Variants in COL26A1 observed in about 807,000 individuals in gnomAD.
COL26A1 encodes the protein collagen alpha-1(XXVI) chain.
Under a neutral mutation model 59.3 loss-of-function variants are expected in COL26A1, and 41 were observed. The ratio of observed to expected loss-of-function variants is 0.69; its 90% CI spans 0.54 to 0.90. The LOEUF is 0.90. Ranked by LOEUF, COL26A1 falls within the 40% of genes least tolerant of loss-of-function variation. The pLI is 0.00. For missense variants in COL26A1, 612 were observed against 602.3 expected (o/e 1.02, Z -0.17); for synonymous variants, 266 against 256.0 (o/e 1.04, Z -0.37).
chr7:101,426,993 C>T (rs1309869085), intron 2 of COL26A1, among the ~76,000 whole-genome samples: 5 of 152,156 alleles, frequency 3.3e-5, no homozygotes, highest in African/African-American at 9.7e-5. Flanking sequence ...CTACATTTCA[C>T]CCCCAGCATT....
At chr7:101,368,253 T>G (rs1486557029) in intron 1 of COL26A1, among the ~76,000 whole-genome samples, 1 of 152,212 alleles carries the variant, frequency 6.6e-6, no homozygotes, top group Non-Finnish European at 1.5e-5. Flanking sequence ...GTCTCTCTTT[T>G]TCTCTCGTGA....
At chr7:101,444,554 G>A (rs914181168) in intron 2 of COL26A1, among the ~76,000 whole-genome samples, 1 of 151,654 alleles carries the variant, frequency 6.6e-6, no homozygotes, top group African/African-American at 2.4e-5. Flanking sequence ...AGCTGGGATT[G>A]CAGGCATGCG....
At chr7:101,506,642 C>G (rs1178259870) in intron 3 of COL26A1, among the ~76,000 whole-genome samples, 1 of 152,226 alleles carries the variant, frequency 6.6e-6, no homozygotes, top group Non-Finnish European at 1.5e-5. Context: ...CTCCGTGTTC[C>G]TAACTGCAGA....
intron 2 of COL26A1, among the ~76,000 whole-genome samples, chr7:101,442,249 G>T (rs1435813424): frequency 6.6e-6 from 1 of 151,922 alleles, no homozygotes; most frequent in Non-Finnish European, 1.5e-5. Context: ...GCTCTCCTCT[G>T]TCCAAGCTGG....
chr7:101,551,144 G>T lies in COL26A1; in HGVS notation c.1029+1G>T, dbSNP rs771111828. Reference sequence around the variant, plus strand: ...AGAGCGAGGCACAGTGGGGCCGTCCGTAAGTGTGGGCTGTGCAGATGGGCC... The same window carrying T: ...AGAGCGAGGCACAGTGGGGCCGTCCTTAAGTGTGGGCTGTGCAGATGGGCC... On this transcript the variant is annotated splice_donor_variant, in intron 10 of 12. Coordinates refer to ENST00000313669, the MANE Select transcript of COL26A1 (RefSeq NM_001278563.3). LOFTEE classifies it high-confidence loss of function. 32 of 1,481,332 alleles carry T rather than the reference G, an allele frequency of 2.2e-5. No individual in the cohort carries two copies. The South Asian group carries it at 3.6e-4, about 17-fold the overall frequency. The allele number at this position is 1,481,332 out of a possible 1,614,324, so 91.8% of individuals were successfully genotyped here. A position where few individuals can be genotyped will look rare whatever the true frequency, so the allele number is the denominator to read the frequency against.
chr7:101,380,663 C>T (rs1165036576), intron 1 of COL26A1, among the ~76,000 whole-genome samples: 1 of 152,092 alleles, frequency 6.6e-6, no homozygotes, highest in Non-Finnish European at 1.5e-5. Flanking sequence ...GATCAGGACC[C>T]CTTTCTGGCC....
intron 1 of COL26A1, among the ~76,000 whole-genome samples, chr7:101,419,765 G>A (rs532253509): frequency 2.0e-5 from 3 of 152,286 alleles, no homozygotes; most frequent in South Asian, 4.1e-4. Flanking sequence ...GGTCAGTGAC[G>A]GGAATGATGC....
chr7:101,496,260 C>T (rs1794582823), intron 3 of COL26A1, among the ~76,000 whole-genome samples: 1 of 152,174 alleles, frequency 6.6e-6, no homozygotes, highest in South Asian at 2.1e-4. Flanking sequence ...CGGCTGTGGC[C>T]AGGGCCATGG....
At chr7:101,396,653 G>A (rs766750143) in intron 1 of COL26A1, among the ~76,000 whole-genome samples, 6 of 152,086 alleles carry the variant, frequency 3.9e-5, no homozygotes, top group Non-Finnish European at 7.4e-5. Flanking sequence ...GTACAGATGA[G>A]ATTTCACCAT....
intron 5 of COL26A1, among the ~76,000 whole-genome samples, chr7:101,543,353 A>T (rs771394926): frequency 6.6e-6 from 1 of 151,898 alleles, no homozygotes; most frequent in Non-Finnish European, 1.5e-5. Flanking sequence ...TATCTTTTGT[A>T]GAGATGGGGT....
intron 1 of COL26A1, among the ~76,000 whole-genome samples, chr7:101,368,631 A>G (rs1462624376): frequency 6.6e-6 from 1 of 151,592 alleles, no homozygotes; most frequent in Non-Finnish European, 1.5e-5. Context: ...GGTTGTTGCC[A>G]TGGAAAGGCA....
chr7:101,494,759 T>C (rs1232545934), intron 3 of COL26A1, among the ~76,000 whole-genome samples: 4 of 152,336 alleles, frequency 2.6e-5, no homozygotes, highest in Admixed American at 2.6e-4. Flanking sequence ...CAGTCCCAGC[T>C]CTTCCAGCTG....
chr7:101,434,063 TCC>T (rs1562976858), intron 2 of COL26A1, among the ~76,000 whole-genome samples: 26 of 45,646 alleles, frequency 5.7e-4, no homozygotes, highest in African/African-American at 1.8e-3. Context: ...CCTCCCTCCC[TCC>T]CTCCCTCCCT....
chr7:101,511,936 G>T (rs1794935129), intron 3 of COL26A1, among the ~76,000 whole-genome samples: 1 of 152,162 alleles, frequency 6.6e-6, no homozygotes, highest in Non-Finnish European at 1.5e-5. Flanking sequence ...GTTTGAAGCT[G>T]CAGTGAGCTA....
chr7:101,413,601 G>A (rs1238348211), intron 1 of COL26A1, among the ~76,000 whole-genome samples: 3 of 152,150 alleles, frequency 2.0e-5, no homozygotes, highest in Admixed American at 6.5e-5. Context: ...TTGTTTGGGA[G>A]CAGATCCGTC....
chr7:101,385,305 G>A (rs1791543444), intron 1 of COL26A1, among the ~76,000 whole-genome samples: 1 of 149,164 alleles, frequency 6.7e-6, no homozygotes, highest in Admixed American at 6.7e-5. Context: ...TATATACGGT[G>A]TGTGTGTATA....
intron 3 of COL26A1, among the ~76,000 whole-genome samples, chr7:101,478,058 C>T (rs995619152): frequency 2.6e-5 from 4 of 152,226 alleles, no homozygotes; most frequent in South Asian, 4.1e-4. Context: ...TCTCGCCTCA[C>T]TGCAACTTCT....
chr7:101,368,765 C>G (rs4473960), intron 1 of COL26A1, among the ~76,000 whole-genome samples: 88,070 of 151,832 alleles, frequency 0.58, 27,117 homozygotes, highest in African/African-American at 0.8. Flanking sequence ...CCGGTGTCAA[C>G]CCCAACCTCC....
At chr7:101,502,257 A>G (rs1794721637) in intron 3 of COL26A1, among the ~76,000 whole-genome samples, 1 of 152,110 alleles carries the variant, frequency 6.6e-6, no homozygotes, top group African/African-American at 2.4e-5. Context: ...CGGGGGAATC[A>G]CTTGAATCTG....
Sources: allele counts gnomAD v4.1 joint callset (sites outside exome capture counted in the v4.1 genomes callset), GRCh38; gene constraint gnomAD v4.1.1; transcripts MANE v1.5; gene names NCBI Gene and HGNC (gene_info 2026-07-23, HGNC 2026-07-21).